The following EHD4 variants were observed in gnomAD, a reference collection of about 807,000 sequenced individuals.
EHD4 encodes EH domain containing 4, also known as EH domain-containing protein 4.
Under a neutral mutation model 51.0 loss-of-function variants are expected in EHD4, and 37 were observed. The ratio of observed to expected loss-of-function variants is 0.73; its 90% CI spans 0.56 to 0.95. The LOEUF is 0.95. Among genes scored for constraint, EHD4 ranks in the 40% least tolerant of loss-of-function variants. The pLI is 0.00. For synonymous variants in EHD4, 297 were observed against 317.3 expected (o/e 0.94, Z 0.68); for missense variants, 632 against 733.1 (o/e 0.86, Z 1.59).
chr15:41,902,832 T>C (rs1270420124), intron 5 of EHD4, among the ~76,000 whole-genome samples: 3 of 107,268 alleles, frequency 2.8e-5, no homozygotes, highest in East Asian at 1.9e-3. Context: ...TGTATATATA[T>C]ACATATGTAT....
intron 3 of EHD4, among the ~76,000 whole-genome samples, chr15:41,931,732 AGTGGCGC>A (rs1375553210): frequency 6.7e-6 from 1 of 149,904 alleles, no homozygotes; most frequent in Non-Finnish European, 1.5e-5. Flanking sequence ...GCTGGAATGC[AGTGGCGC>A]AATCTCAGCT....
intron 3 of EHD4, among the ~76,000 whole-genome samples, chr15:41,933,638 G>A (rs1296388425): frequency 6.6e-6 from 1 of 152,100 alleles, no homozygotes; most frequent in African/African-American, 2.4e-5. Context: ...CTAGGCTGGG[G>A]GTTCCCCACT....
intron 4 of EHD4, among the ~76,000 whole-genome samples, chr15:41,913,607 C>T (rs1047319332): frequency 6.6e-6 from 1 of 152,234 alleles, no homozygotes; most frequent in African/African-American, 2.4e-5. Flanking sequence ...TGAATGCACT[C>T]TGCTCACTAG....
chr15:41,918,250 G>C (rs1270949307), intron 4 of EHD4, among the ~76,000 whole-genome samples: 2 of 119,126 alleles, frequency 1.7e-5, no homozygotes, highest in South Asian at 2.7e-4. Context: ...ACACGCGCAT[G>C]TTTACACACA....
rs543467249 is a variant in EHD4, at chr15:41,968,747, T to G, written c.236+3512A>C. 6.0e-4 allele frequency among the ~76,000 whole-genome samples: 91 copies of G among 152,370 alleles called. 1 individual carries two copies. Among genetic ancestry groups the G allele is most frequent in the African/African-American group, 1.8e-3 (76 of 41,588 alleles). On this transcript the variant is annotated intron_variant, in intron 1 of 5. Coordinates refer to ENST00000220325, the MANE Select transcript of EHD4 (RefSeq NM_139265.4). ...GCAGAATCATGAAAATTAAATCACA[T>G]GATGCTTAGTGTTGAAAGACTGAAT...
At chr15:41,961,559 C>T (rs1234068895) in intron 1 of EHD4, among the ~76,000 whole-genome samples, 1 of 152,142 alleles carries the variant, frequency 6.6e-6, no homozygotes, top group East Asian at 1.9e-4. Context: ...TGAACACTTA[C>T]GAATGATCTC....
chr15:41,917,894 G>C (rs1205072995), intron 4 of EHD4, among the ~76,000 whole-genome samples: 1 of 152,210 alleles, frequency 6.6e-6, no homozygotes, highest in African/African-American at 2.4e-5. Flanking sequence ...CAGGTTAGCT[G>C]AGCCATATGG....
chr15:41,904,376 C>T (rs1307998261), intron 5 of EHD4, among the ~76,000 whole-genome samples: 3 of 151,950 alleles, frequency 2.0e-5, no homozygotes. Context: ...CCAGGCTTGA[C>T]CGGGGACTGC....
At chr15:41,925,203 A>C (rs2067653525) in intron 3 of EHD4, among the ~76,000 whole-genome samples, 1 of 152,220 alleles carries the variant, frequency 6.6e-6, no homozygotes, top group South Asian at 2.1e-4. Context: ...CAAACTGCTG[A>C]ATGGACCAGG....
chr15:41,945,487 G>A (rs2024499198), intron 2 of EHD4, among the ~76,000 whole-genome samples: 1 of 152,186 alleles, frequency 6.6e-6, no homozygotes, highest in African/African-American at 2.4e-5. Flanking sequence ...CTGAAAAAGA[G>A]AGGATGAGGA....
chr15:41,903,744 TG>T (rs2067494277), intron 5 of EHD4, among the ~76,000 whole-genome samples: 1 of 151,914 alleles, frequency 6.6e-6, no homozygotes, highest in Non-Finnish European at 1.5e-5. Flanking sequence ...TGGTAGTTGG[TG>T]GGGGGACAGA....
intron 4 of EHD4, among the ~76,000 whole-genome samples, chr15:41,912,587 C>T (rs987761259): frequency 4.6e-5 from 7 of 151,948 alleles, no homozygotes; most frequent in South Asian, 2.1e-4. Context: ...CTCAGCTACT[C>T]GGGAGGCTGA....
At chr15:41,932,475 A>G (rs985813056) in intron 3 of EHD4, among the ~76,000 whole-genome samples, 6 of 152,204 alleles carry the variant, frequency 3.9e-5, no homozygotes, top group Non-Finnish European at 8.8e-5. Context: ...CGCTGCATAC[A>G]TGGTCTGATT....
At chr15:41,933,828 C>T (rs1028232492) in intron 3 of EHD4, among the ~76,000 whole-genome samples, 7 of 152,102 alleles carry the variant, frequency 4.6e-5, no homozygotes, top group Non-Finnish European at 1.0e-4. Flanking sequence ...TCCTAGCTTC[C>T]GAAGTAGGCT....
At chr15:41,905,748 G>A (rs566952410) in intron 5 of EHD4, among the ~76,000 whole-genome samples, 1 of 152,268 alleles carries the variant, frequency 6.6e-6, no homozygotes, top group South Asian at 2.1e-4. Context: ...ATGGCTCATA[G>A]CAGCCTCGAC....
chr15:41,920,493 T>C (rs1489894481), intron 3 of EHD4, among the ~76,000 whole-genome samples: 1 of 152,226 alleles, frequency 6.6e-6, no homozygotes, highest in Non-Finnish European at 1.5e-5. Context: ...AGAGTCTCAA[T>C]CCAGCCCAGC....
chr15:41,935,403 G>A (rs1197295427), intron 3 of EHD4, among the ~76,000 whole-genome samples: 1 of 152,146 alleles, frequency 6.6e-6, no homozygotes, highest in East Asian at 1.9e-4. Context: ...AGGGGGCACA[G>A]CAGAGTGGGG....
At chr15:41,968,453 CTTTT>C (rs11291085) in intron 1 of EHD4, among the ~76,000 whole-genome samples, 1 of 124,664 alleles carries the variant, frequency 8.0e-6, no homozygotes, top group Non-Finnish European at 1.6e-5. Context: ...ATCTTTACTC[CTTTT>C]TTTTTTTTTT....
intron 2 of EHD4, 96 bp downstream of exon 2, chr15:41,953,668 T>C: frequency 1.5e-6 from 2 of 1,315,758 alleles, no homozygotes; most frequent in Middle Eastern, 1.9e-4. Flanking sequence ...AGAGATTCTT[T>C]GTTCTTCTGT....
Sources: allele counts gnomAD v4.1 joint callset (sites outside exome capture counted in the v4.1 genomes callset), GRCh38; gene constraint gnomAD v4.1.1; transcripts MANE v1.5; gene names NCBI Gene and HGNC (gene_info 2026-07-23, HGNC 2026-07-21).